The following NLGN1 variants were observed in gnomAD, a reference collection of about 807,000 sequenced individuals.
NLGN1 encodes neuroligin 1.
NLGN1 carries 12 observed loss-of-function variants against 65.5 expected under a neutral mutation model. That is an observed-to-expected ratio of 0.18 (90% CI 0.12 to 0.30). NLGN1 has a LOEUF of 0.30. Among genes scored for constraint, NLGN1 ranks in the 10% least tolerant of loss-of-function variants. The pLI, the probability that NLGN1 is intolerant of heterozygous loss-of-function variation, is 1.00. For synonymous variants in NLGN1, 350 were observed against 359.5 expected, an observed-to-expected ratio of 0.97 and a Z score of 0.30; for missense variants, 750 against 1,007.1, an observed-to-expected ratio of 0.74 and a Z score of 3.46.
At chr3:173,742,487 C>A (rs906837625) in intron 3 of NLGN1, among the ~76,000 whole-genome samples, 3 of 152,060 alleles carry the variant, frequency 2.0e-5, no homozygotes, top group African/African-American at 7.2e-5. Flanking sequence ...TTATTATGAT[C>A]TTTTTAGGTA....
At chr3:173,718,017 A>G (rs1309386154) in intron 3 of NLGN1, among the ~76,000 whole-genome samples, 1 of 152,092 alleles carries the variant, frequency 6.6e-6, no homozygotes, top group Non-Finnish European at 1.5e-5. Flanking sequence ...AGTGTTTTTT[A>G]TTGACATTAA....
At chr3:173,717,451 T>G (rs1770047014) in intron 3 of NLGN1, among the ~76,000 whole-genome samples, 1 of 150,156 alleles carries the variant, frequency 6.7e-6, no homozygotes, top group South Asian at 2.1e-4. Context: ...TCCAGCTTGA[T>G]TGTAACAGTT....
intron 3 of NLGN1, among the ~76,000 whole-genome samples, chr3:173,615,240 T>G (rs1233744631): frequency 6.6e-6 from 1 of 152,088 alleles, no homozygotes; most frequent in Non-Finnish European, 1.5e-5. Context: ...CTTTTTGGTG[T>G]TGTTGCTTTG....
rs397877454 is a variant in NLGN1, at chr3:173,879,638, G to GT, written c.646+71817dup. ...GAATATTGATGACTTTTTTCTGTGT[G>GT]TTTTTTTTTTTATCTAATTTGGATT... On this transcript the variant is annotated intron_variant, in intron 4 of 6. Transcript: ENST00000457714. 4.1e-3 allele frequency among the ~76,000 whole-genome samples: 579 copies of GT among 141,952 alleles called. 2 individuals carry two copies. The highest frequency in any genetic ancestry group is 9.0e-3 in the African/African-American group (331 of 36,664). 93.1% of individuals were successfully genotyped at this position (141,952 alleles called of 152,430 possible). A position where few individuals can be genotyped will look rare whatever the true frequency, so the allele number is the denominator to read the frequency against.
At chr3:174,100,764 A>G (rs1318919894) in intron 4 of NLGN1, among the ~76,000 whole-genome samples, 3 of 151,904 alleles carry the variant, frequency 2.0e-5, no homozygotes, top group Non-Finnish European at 4.4e-5. Context: ...GCTTTCTAAG[A>G]TCTTCATAAG....
chr3:174,168,586 G>A (rs991890127), intron 4 of NLGN1, among the ~76,000 whole-genome samples: 1 of 152,058 alleles, frequency 6.6e-6, no homozygotes, highest in African/African-American at 2.4e-5. Context: ...GTCACTTATA[G>A]GTAAGAGCTG....
chr3:173,898,309 A>G (rs1299046259), intron 4 of NLGN1, among the ~76,000 whole-genome samples: 1 of 152,192 alleles, frequency 6.6e-6, no homozygotes, highest in Admixed American at 6.5e-5. Context: ...TTTCTCTTTT[A>G]GATATCAGGA....
intron 4 of NLGN1, among the ~76,000 whole-genome samples, chr3:174,221,110 C>T (rs1467114070): frequency 6.6e-6 from 1 of 152,146 alleles, no homozygotes; most frequent in African/African-American, 2.4e-5. Flanking sequence ...ACTATTTAAA[C>T]TTTATTACTC....
chr3:173,861,263 A>G (rs1347028055), intron 4 of NLGN1, among the ~76,000 whole-genome samples: 1 of 152,086 alleles, frequency 6.6e-6, no homozygotes, highest in Non-Finnish European at 1.5e-5. Context: ...GTTTTCTCTT[A>G]TCTTTCATAC....
At chr3:173,977,135 ACAC>A (rs939754257) in intron 4 of NLGN1, among the ~76,000 whole-genome samples, 2 of 151,770 alleles carry the variant, frequency 1.3e-5, no homozygotes, top group African/African-American at 2.4e-5. Flanking sequence ...ACACACACAC[ACAC>A]CATTTCAACT....
intron 4 of NLGN1, among the ~76,000 whole-genome samples, chr3:173,894,956 A>G (rs906646148): frequency 6.6e-6 from 1 of 152,084 alleles, no homozygotes; most frequent in South Asian, 2.1e-4. Context: ...ATTTTCTTAT[A>G]GTTAAATAGG....
At chr3:174,104,269 G>A (rs934916279) in intron 4 of NLGN1, among the ~76,000 whole-genome samples, 3 of 151,952 alleles carry the variant, frequency 2.0e-5, no homozygotes, top group African/African-American at 7.2e-5. Context: ...TGACTTGTGA[G>A]CTTTAAGATA....
intron 4 of NLGN1, among the ~76,000 whole-genome samples, chr3:174,064,896 T>G (rs1326043270): frequency 3.3e-5 from 5 of 150,844 alleles, no homozygotes; most frequent in African/African-American, 1.2e-4. Flanking sequence ...GTACTATATA[T>G]TAAGACACAT....
At chr3:173,672,363 T>C (rs1762558895) in intron 3 of NLGN1, among the ~76,000 whole-genome samples, 1 of 152,198 alleles carries the variant, frequency 6.6e-6, no homozygotes, top group Admixed American at 6.5e-5. Context: ...AGATGGTTGC[T>C]ATCAGGGTGA....
intron 2 of NLGN1, among the ~76,000 whole-genome samples, chr3:173,520,127 C>A (rs567059988): frequency 2.6e-5 from 4 of 152,168 alleles, no homozygotes; most frequent in Non-Finnish European, 5.9e-5. Context: ...TTCCCCTTTG[C>A]CTTCTGCCAT....
At chr3:173,417,972 T>C (rs1703030986) in intron 1 of NLGN1, among the ~76,000 whole-genome samples, 2 of 151,668 alleles carry the variant, frequency 1.3e-5, no homozygotes, top group African/African-American at 4.8e-5. Context: ...ATTGAGCAGA[T>C]AGGAAGAAAA....
intron 4 of NLGN1, among the ~76,000 whole-genome samples, chr3:174,272,845 C>A (rs560431325): frequency 1.1e-4 from 16 of 151,618 alleles, no homozygotes; most frequent in African/African-American, 3.9e-4. Flanking sequence ...GAGGCTACAG[C>A]ACAATAACTT....
At chr3:173,451,590 C>CAG (rs1314865428) in intron 2 of NLGN1, among the ~76,000 whole-genome samples, 1 of 152,182 alleles carries the variant, frequency 6.6e-6, no homozygotes, top group African/African-American at 2.4e-5. Context: ...TCAAAGCTGT[C>CAG]AGACAGGGAC....
chr3:173,859,790 T>C (rs1471975568), intron 4 of NLGN1, among the ~76,000 whole-genome samples: 2 of 152,092 alleles, frequency 1.3e-5, no homozygotes, highest in Non-Finnish European at 2.9e-5. Context: ...TTGTTGTTTT[T>C]TTCAAGATGT....
Sources: gnomAD v4.1 joint callset for allele counts (sites outside exome capture counted in the v4.1 genomes callset) on GRCh38, gnomAD v4.1.1 for gene constraint, MANE v1.5 for transcripts, NCBI Gene and HGNC (gene_info 2026-07-23, HGNC 2026-07-21) for gene names.